CCNC: variants seen among roughly 807,000 people sequenced by gnomAD.
CCNC encodes cyclin C, also known as cyclin-C.
In CCNC, 19 loss-of-function variants were observed where a neutral mutation model predicts 50.0. The ratio of observed to expected loss-of-function variants is 0.38; its 90% CI spans 0.27 to 0.56. CCNC has a LOEUF of 0.56. Among genes scored for constraint, CCNC ranks in the 20% least tolerant of loss-of-function variants. The probability of loss-of-function intolerance (pLI) is 0.72; values close to 1 mark genes in which losing one functional copy is unlikely to be tolerated. For missense variants in CCNC, 200 were observed against 327.1 expected, an observed-to-expected ratio of 0.61 and a Z score of 3.00; for synonymous variants, 93 against 103.7, an observed-to-expected ratio of 0.90 and a Z score of 0.63.
chr6:99,543,326 C>T lies in CCNC; in HGVS notation c.*229G>A, dbSNP rs192560606. On this transcript the variant is annotated 3_prime_UTR_variant, in exon 12 of 12. Coordinates refer to ENST00000520429, the MANE Select transcript of CCNC (RefSeq NM_005190.4). ...TTTTGAAATGTCTATGTATGTCTGT[C>T]TGTAGGTCCCCTTAGAACCTTTCCA... 7.1e-3 allele frequency: 3,188 copies of T among 450,204 alleles called. 19 individuals are homozygous for T. Among genetic ancestry groups the T allele is most frequent in the Non-Finnish European group, 8.1e-3 (2,050 of 253,658 alleles). 27.9% of individuals were successfully genotyped at this position (450,204 alleles called of 1,614,324 possible).
At position 99,551,395 on chromosome 6, in the gene CCNC, TAAAG is replaced by T. The variant is rs547951224; in HGVS notation, c.403-371_403-368del. ...TCTACTTAATTTAAAAAATGTAACT[TAAAG>T]AGAATAAACAAATCCCTTGCAAGGT... On this transcript the variant is annotated intron_variant, in intron 6 of 11. Transcript: ENST00000520429. 1.0e-3 allele frequency among the ~76,000 whole-genome samples: 154 copies of T among 152,234 alleles called. 1 individual carries two copies. The highest frequency in any genetic ancestry group is 5.9e-4 in the Non-Finnish European group (40 of 67,980).
At chr6:99,549,815 C>T (rs765529613) in intron 8 of CCNC, among the ~76,000 whole-genome samples, 10 of 152,046 alleles carry the variant, frequency 6.6e-5, no homozygotes, top group Non-Finnish European at 1.5e-4. Flanking sequence ...TTCAAAATCT[C>T]ATAACAAATT....
intron 1 of CCNC, among the ~76,000 whole-genome samples, chr6:99,564,422 CAA>C (rs11345511): frequency 0.11 from 10,528 of 96,996 alleles, 396 homozygotes; most frequent in South Asian, 0.16. Context: ...GAGACTCTGT[CAA>C]AAAAAAAAAA....
At chr6:99,563,336 G>A (rs755475550) in intron 1 of CCNC, among the ~76,000 whole-genome samples, 35 of 152,154 alleles carry the variant, frequency 2.3e-4, no homozygotes, top group Non-Finnish European at 3.8e-4. Flanking sequence ...TAGATTTGAG[G>A]AAGTATATAG....
At chr6:99,560,623 C>T (rs1449556193) in intron 4 of CCNC, among the ~76,000 whole-genome samples, 1 of 152,166 alleles carries the variant, frequency 6.6e-6, no homozygotes, top group African/African-American at 2.4e-5. Context: ...TTATGAAAAA[C>T]AGCCAATATC....
At chr6:99,568,800 G>T, upstream of CCNC, 2 of 1,013,336 alleles carry the variant, frequency 2.0e-6, no homozygotes, top group Non-Finnish European at 2.6e-6. Context: ...CCTTGGAGGT[G>T]CTGAGATTGA....
At chr6:99,550,631 A>G (rs1466619492) in intron 7 of CCNC, 2 of 290,430 alleles carry the variant, frequency 6.9e-6, no homozygotes, top group East Asian at 6.7e-5. Flanking sequence ...ATAATTCCCA[A>G]CTGGAGGAGC....
intron 7 of CCNC, 179 bp downstream of exon 7, chr6:99,550,814 A>AT (rs1375502319): frequency 3.2e-6 from 1 of 312,654 alleles, no homozygotes; most frequent in African/African-American, 2.1e-5. Flanking sequence ...TATACAAATT[A>AT]TTTTACAGGC....
intron 4 of CCNC, among the ~76,000 whole-genome samples, chr6:99,560,778 T>C (rs1342458610): frequency 6.6e-6 from 1 of 152,254 alleles, no homozygotes; most frequent in African/African-American, 2.4e-5. Flanking sequence ...CCTCAACTTT[T>C]ACTTGTTAGA....
Position 99,546,409 on chromosome 6 carries a change from C to G in CCNC, c.664G>C (p.Val222Leu). The change falls in exon 10 of 12, where the codon GTG becomes CTG. Residue 222 changes from valine to leucine, a missense_variant. Physicochemically the swap from Val to Leu is conservative, Grantham distance 32 (BLOSUM62 1). Transcript: ENST00000520429. Reference protein sequence around the residue: ...DARQWFAELSVDMEKILEIIR... With the variant: ...DARQWFAELSLDMEKILEIIR... The stretch of plus-strand genomic sequence containing the variant: ...TAAGGGAATACCTTTTCCATATCCA[C>G]AGAAAGCTCAGCAAACCATTGCCTG... 1.2e-6 allele frequency: 2 copies of G among 1,611,430 alleles called. No homozygotes were observed. Among genetic ancestry groups the G allele is most frequent in the Non-Finnish European group, 1.7e-6 (2 of 1,177,626 alleles).
chr6:99,562,516 T>C (rs1057056660), intron 2 of CCNC: 2 of 205,550 alleles, frequency 9.7e-6, no homozygotes, highest in African/African-American at 4.7e-5. Flanking sequence ...ACGACCACTA[T>C]AGGATGTCAA....
intron 1 of CCNC, among the ~76,000 whole-genome samples, chr6:99,564,804 T>C (rs562146422): frequency 6.6e-6 from 1 of 152,322 alleles, no homozygotes; most frequent in Admixed American, 6.5e-5. Flanking sequence ...CTTTCATGTT[T>C]GTCAGGCATA....
intron 9 of CCNC, 114 bp downstream of exon 9, chr6:99,549,391 AGTC>A (rs1160085806): frequency 4.1e-6 from 3 of 725,800 alleles, no homozygotes; most frequent in Non-Finnish European, 7.5e-6. Flanking sequence ...TGCAAGGATT[AGTC>A]TATTACTTCA....
chr6:99,543,460 C>A lies in CCNC; in HGVS notation c.*95G>T. The A allele has an allele frequency of 7.6e-7, 1 of 1,317,574 alleles. No homozygotes were observed. Among genetic ancestry groups the A allele is most frequent in the Non-Finnish European group, 1.1e-6 (1 of 928,000 alleles). The allele number at this position is 1,317,574 out of a possible 1,614,324, so 81.6% of individuals were successfully genotyped here. ...TTCCAATATGCTTGACAGAAACAAG[C>A]TATTCATTTTCATTTGTGTTCCACT... On this transcript the variant is annotated 3_prime_UTR_variant, in exon 12 of 12. Coordinates refer to ENST00000520429, the MANE Select transcript of CCNC (RefSeq NM_005190.4).
At position 99,562,907 on chromosome 6, in the gene CCNC, C is replaced by T. The variant is rs755107219; in HGVS notation, c.74G>A (p.Arg25His). Residue 25 changes from arginine to histidine, a missense_variant, in exon 2 of 12, where the codon CGC becomes CAC. Coordinates refer to ENST00000520429, the MANE Select transcript of CCNC (RefSeq NM_005190.4). The stretch of plus-strand genomic sequence containing the variant: ...TGAGAGAAACTTTAAATCCTTTTGG[C>T]GCTCCTTCAACAGATCTTGTTTATC... ...ILDKQDLLKE[R>H]QKDLKFLSEE... The T allele has an allele frequency of 1.1e-5, 17 of 1,605,778 alleles. No individual in the cohort carries two copies. The highest frequency in any genetic ancestry group is 9.4e-5 in the African/African-American group (7 of 74,590).
chr6:99,544,066 A>T lies in CCNC; in HGVS notation c.798-457T>A, dbSNP rs573146172. 1,082 of 1,314,964 alleles carry T rather than the reference A, an allele frequency of 8.2e-4. 18 individuals are homozygous for T. In the South Asian group the frequency reaches 0.02, roughly 25 times the overall value. The allele number at this position is 1,314,964 out of a possible 1,614,324, so 81.5% of individuals were successfully genotyped here. A position where few individuals can be genotyped will look rare whatever the true frequency, so the allele number is the denominator to read the frequency against. The stretch of plus-strand genomic sequence containing the variant: ...GTCCAAAGGCATAATAAAATCATAT[A>T]TAAATACAGCAAACCTTTATAAGTC... On this transcript the variant is annotated intron_variant, in intron 11 of 11. Transcript: ENST00000520429.
At chr6:99,543,782 G>T in intron 11 of CCNC, 173 bp from the exon 12 acceptor site, 6 of 1,404,690 alleles carry the variant, frequency 4.3e-6, no homozygotes, top group South Asian at 3.3e-5. Context: ...AACAAACATT[G>T]GTTTTATGTT....
At chr6:99,568,809 G>A (rs191019755), upstream of CCNC, 17 of 899,570 alleles carry the variant, frequency 1.9e-5, no homozygotes, top group African/African-American at 2.9e-4. Context: ...TGCTGAGATT[G>A]AAGAGAACTA....
Position 99,550,253 on chromosome 6 carries a change from G to A in CCNC, c.495C>T (p.Asp165=), listed in dbSNP as rs1388695133. The change falls in exon 8 of 12, where the codon GAC becomes GAT. Residue 165 remains aspartate (D), a synonymous_variant. Coordinates refer to ENST00000520429, the MANE Select transcript of CCNC (RefSeq NM_005190.4). ...GAAGCAACATGTCTTCTTGGCCCAT[G>A]TCCTGCACATACTGGAGCAAAGGTC... ...PYRPLLQYVQ[D]MGQEDMLLPL... is the part of the protein sequence containing the mutation. The A allele has an allele frequency of 3.3e-5, 54 of 1,612,982 alleles. 1 individual carries two copies. The Admixed American group carries it at 8.5e-4, about 25-fold the overall frequency.
Sources: allele counts gnomAD v4.1 joint callset (sites outside exome capture counted in the v4.1 genomes callset), GRCh38; gene constraint gnomAD v4.1.1; transcripts MANE v1.5; gene names NCBI Gene and HGNC (gene_info 2026-07-23, HGNC 2026-07-21).